The following JAKMIP1 variants were observed in gnomAD, a reference collection of about 807,000 sequenced individuals.
JAKMIP1 encodes janus kinase and microtubule-interacting protein 1.
JAKMIP1 carries 33 observed loss-of-function variants against 113.0 expected under a neutral mutation model. The ratio of observed to expected loss-of-function variants is 0.29; its 90% CI spans 0.22 to 0.39. The LOEUF (loss-of-function observed/expected upper bound fraction) is 0.39, where lower values mean the gene tolerates loss of function less well. Ranked by LOEUF, JAKMIP1 falls within the 10% of genes least tolerant of loss-of-function variation. The pLI is 1.00. For missense variants in JAKMIP1, 813 were observed against 1,080.5 expected (o/e 0.75, Z 3.47); for synonymous variants, 480 against 459.9 (o/e 1.04, Z -0.56).
intron 8 of JAKMIP1, among the ~76,000 whole-genome samples, chr4:6,074,362 G>C (rs990976087): frequency 2.0e-5 from 3 of 152,218 alleles, no homozygotes; most frequent in Non-Finnish European, 4.4e-5. Context: ...CAGAAAGTCA[G>C]GAGCTGGAGA....
In JAKMIP1 at chr4:6,129,653, T is replaced by C. The variant is rs983376428; in HGVS notation, c.-147-16656A>G. Among the ~76,000 whole-genome samples the C allele has an allele frequency of 6.6e-6, 1 of 151,908 alleles. No individual in the cohort carries two copies. The highest frequency in any genetic ancestry group is 1.5e-5 in the Non-Finnish European group (1 of 67,992). ...GTCCAGACCCCCACTCAGCTGCCGT[T>C]CTCAATATTTCCCTACACAGATCAG... On this transcript the variant is annotated intron_variant, in intron 1 of 20. Coordinates refer to ENST00000409021, the MANE Select transcript of JAKMIP1 (RefSeq NM_001099433.2). The surrounding 1 kb of genome is among the most constrained non-coding windows in gnomAD (Gnocchi z 5.4).
At chr4:6,170,572 G>T (rs924144204) in intron 1 of JAKMIP1, among the ~76,000 whole-genome samples, 1 of 113,200 alleles carries the variant, frequency 8.8e-6, no homozygotes, top group Admixed American at 8.8e-5. Flanking sequence ...CACCACCATT[G>T]CCACCATTAC....
chr4:6,169,280 G>A (rs1242879112), intron 1 of JAKMIP1, among the ~76,000 whole-genome samples: 1 of 152,140 alleles, frequency 6.6e-6, no homozygotes, highest in Non-Finnish European at 1.5e-5. Flanking sequence ...GAGTTAGGAG[G>A]AGGCCATGAT....
rs959625783 is a variant in JAKMIP1 at position 6,049,009 on chromosome 4, C to A, written c.1963-87G>T. 60 of 917,892 alleles carry A rather than the reference C, an allele frequency of 6.5e-5. No homozygotes were observed. Among genetic ancestry groups the A allele is most frequent in the Admixed American group, 2.0e-4 (10 of 50,760 alleles). The allele number at this position is 917,892 out of a possible 1,614,324, so 56.9% of individuals were successfully genotyped here. On this transcript the variant is annotated intron_variant, in intron 15 of 20. Transcript: ENST00000409021. The surrounding 1 kb of genome is among the most constrained non-coding windows in gnomAD (Gnocchi z 7.0). ...CAGCACCAAGCAAGTTTTTTTTTTT[C>A]GTTGTTGTTGTTTGTTTTATTATGT...
At chr4:6,171,067 TCAC>T (rs887124332) in intron 1 of JAKMIP1, among the ~76,000 whole-genome samples, 5 of 110,322 alleles carry the variant, frequency 4.5e-5, no homozygotes, top group African/African-American at 1.5e-4. Context: ...CTGACCACCA[TCAC>T]CACCACCCCC....
rs1185628427 is a variant in JAKMIP1 at position 6,137,052 on chromosome 4, C to T, written c.-147-24055G>A. Among the ~76,000 whole-genome samples the T allele has an allele frequency of 6.6e-6, 1 of 152,140 alleles. No homozygotes were observed. Among genetic ancestry groups the T allele is most frequent in the African/African-American group, 2.4e-5 (1 of 41,432 alleles). On this transcript the variant is annotated intron_variant, in intron 1 of 20. Coordinates refer to ENST00000409021, the MANE Select transcript of JAKMIP1 (RefSeq NM_001099433.2). This position sits in a 1 kb window ranked among gnomAD's most constrained non-coding sequence, Gnocchi z 4.5. ...GTCCTCCTCTGCACCAGTAATCAAA[C>T]TCCTACACGGTGTCCCCTCCGATGT...
intron 1 of JAKMIP1, among the ~76,000 whole-genome samples, chr4:6,169,136 A>G (rs1724015167): frequency 6.6e-6 from 1 of 152,210 alleles, no homozygotes; most frequent in South Asian, 2.1e-4. Flanking sequence ...TACATGAATT[A>G]TATCTCAGTA....
chr4:6,118,223 G>A (rs1560216938), intron 1 of JAKMIP1, among the ~76,000 whole-genome samples: 1 of 152,178 alleles, frequency 6.6e-6, no homozygotes, highest in Admixed American at 6.5e-5. Flanking sequence ...CACAATCCAC[G>A]TTCTTCTGCC....
intron 1 of JAKMIP1, among the ~76,000 whole-genome samples, chr4:6,182,848 A>G (rs1726200398): frequency 6.6e-6 from 1 of 152,100 alleles, no homozygotes; most frequent in African/African-American, 2.4e-5. Flanking sequence ...TTCCCCAAAC[A>G]CTTCCTATAA....
intron 9 of JAKMIP1, among the ~76,000 whole-genome samples, chr4:6,062,736 G>T (rs947472037): frequency 7.2e-5 from 11 of 152,332 alleles, no homozygotes; most frequent in Middle Eastern, 6.8e-3. Flanking sequence ...TGAGTTATGT[G>T]GGAGCAGGTG....
In JAKMIP1 at chr4:6,081,863, C is replaced by T. The variant is rs1483230284; in HGVS notation, c.955-108G>A. ...AACCCAGTTAGGACCCCTTCTGAGG[C>T]CAGTGTCCTGGATGACACATTTGTT... is the stretch of plus-strand genomic sequence containing the variant. On this transcript the variant is annotated intron_variant, in intron 5 of 20. Transcript: ENST00000409021. The surrounding 1 kb of genome is among the most constrained non-coding windows in gnomAD (Gnocchi z 4.6). 5 of 1,279,196 alleles carry T rather than the reference C, an allele frequency of 3.9e-6. No individual in the cohort carries two copies. In the East Asian group the frequency reaches 1.2e-4, roughly 30 times the overall value. The allele number at this position is 1,279,196 out of a possible 1,614,324, so 79.2% of individuals were successfully genotyped here. A position where few individuals can be genotyped will look rare whatever the true frequency, so the allele number is the denominator to read the frequency against.
intron 1 of JAKMIP1, among the ~76,000 whole-genome samples, chr4:6,128,291 G>A (rs1293729662): frequency 6.6e-6 from 1 of 152,210 alleles, no homozygotes; most frequent in East Asian, 1.9e-4. Context: ...CCAGGCTCCT[G>A]GACTATCAGA....
chr4:6,147,593 G>C (rs1274321491), intron 1 of JAKMIP1, among the ~76,000 whole-genome samples: 2 of 152,174 alleles, frequency 1.3e-5, no homozygotes, highest in African/African-American at 4.8e-5. Flanking sequence ...TCAGGATCCA[G>C]CTCAAGCCTG....
rs1429176315 is a variant in JAKMIP1 at position 6,199,556 on chromosome 4, C to G, written c.-148+697G>C. 6.6e-6 allele frequency among the ~76,000 whole-genome samples: 1 copy of G among 152,106 alleles called. No homozygotes were observed. Among genetic ancestry groups the G allele is most frequent in the South Asian group, 2.1e-4 (1 of 4,834 alleles). On this transcript the variant is annotated intron_variant, in intron 1 of 20. Transcript: ENST00000409021. The surrounding 1 kb of genome is among the most constrained non-coding windows in gnomAD (Gnocchi z 5.6). ...GCGCCATCTCCGGAGGCCAGTGCGC[C>G]CAGGGCGCGCCGGCCCGGCAGGAGG...
chr4:6,062,702 G>T (rs574207056), intron 9 of JAKMIP1, among the ~76,000 whole-genome samples: 1 of 152,284 alleles, frequency 6.6e-6, no homozygotes, highest in South Asian at 2.1e-4. Context: ...CTCCTCCCAG[G>T]AGCTCCCACC....
At chr4:6,078,820 A>C in intron 8 of JAKMIP1, 119 bp downstream of exon 8, 6 of 854,976 alleles carry the variant, frequency 7.0e-6, no homozygotes, top group Non-Finnish European at 9.8e-6. Flanking sequence ...TCAGGCATGC[A>C]GAGATGTGTG....
chr4:6,077,503 T>C (rs113858427), intron 8 of JAKMIP1, among the ~76,000 whole-genome samples: 38,106 of 105,958 alleles, frequency 0.36, 5,608 homozygotes, highest in Middle Eastern at 0.47. Flanking sequence ...TTTTTTTTTT[T>C]TGAGACAGGG....
In JAKMIP1 at chr4:6,181,259, T is replaced by C. The variant is rs893725221; in HGVS notation, c.-148+18994A>G. ...CGCAGTTCACATTTCTTAGGCTTCCTCTCAAGAAAGCAGTTCCAGAAAGGG... is the reference window on the plus strand; with the variant it reads ...CGCAGTTCACATTTCTTAGGCTTCCCCTCAAGAAAGCAGTTCCAGAAAGGG... On this transcript the variant is annotated intron_variant, in intron 1 of 20. Transcript: ENST00000409021. This position sits in a 1 kb window ranked among gnomAD's most constrained non-coding sequence, Gnocchi z 5.4. Among the ~76,000 whole-genome samples, 7 of 152,156 alleles carry C rather than the reference T, an allele frequency of 4.6e-5. No individual in the cohort carries two copies. Among genetic ancestry groups the C allele is most frequent in the African/African-American group, 1.7e-4 (7 of 41,444 alleles).
rs1011896889 is a variant in JAKMIP1, at chr4:6,061,984, G to A, written c.1560+328C>T. On this transcript the variant is annotated intron_variant, in intron 10 of 20. Coordinates refer to ENST00000409021, the MANE Select transcript of JAKMIP1 (RefSeq NM_001099433.2). This position sits in a 1 kb window ranked among gnomAD's most constrained non-coding sequence, Gnocchi z 5.3. ...GGGGGCTGGCAGCCCTGGAGGGAGC[G>A]GAGCCTGAAGCCTGCAAGCCAGCCA... 1.8e-4 allele frequency among the ~76,000 whole-genome samples: 28 copies of A among 152,202 alleles called. No homozygotes were observed. Among genetic ancestry groups the A allele is most frequent in the South Asian group, 4.1e-4 (2 of 4,832 alleles).
Sources: allele counts gnomAD v4.1 joint callset (sites outside exome capture counted in the v4.1 genomes callset), GRCh38; gene constraint gnomAD v4.1.1; non-coding constraint Gnocchi (gnomAD v3.1); transcripts MANE v1.5; gene names NCBI Gene and HGNC (gene_info 2026-07-23, HGNC 2026-07-21).